The following ARHGEF17 variants were observed in gnomAD, a reference collection of about 807,000 sequenced individuals.
The protein encoded by ARHGEF17 is Rho guanine nucleotide exchange factor 17.
Under a neutral mutation model 174.0 loss-of-function variants are expected in ARHGEF17, and 80 were observed. The observed-to-expected ratio is 0.46, with a 90% CI of 0.38 to 0.55. The LOEUF is 0.55. ARHGEF17 is among the 20% of genes least tolerant of loss of function. ARHGEF17 has a pLI of 0.00. For missense variants in ARHGEF17, 2,886 were observed against 2,839.7 expected, an observed-to-expected ratio of 1.02 and a Z score of -0.37; for synonymous variants, 1,311 against 1,189.1, an observed-to-expected ratio of 1.10 and a Z score of -2.11.
Position 73,308,690 on chromosome 11 carries a change from C to A in ARHGEF17, c.52C>A (p.Leu18Met). ...PQLYRSVSFK[L>M]LERWSGGPGL... The stretch of plus-strand genomic sequence containing the variant: ...GCTTTACCGCAGCGTCTCGTTCAAG[C>A]TGCTGGAGCGCTGGAGCGGCGGCCC... Residue 18 changes from leucine (L) to methionine (M), a missense_variant, in exon 1 of 21, where the codon CTG becomes ATG. By Grantham distance (15) the Leu-to-Met change is conservative. This residue lies in a region of ARHGEF17 where 1,728 missense variants were observed against 1,461.2 expected (regional missense o/e 1.18). Coordinates refer to ENST00000263674, the MANE Select transcript of ARHGEF17 (RefSeq NM_014786.4). 6.6e-7 allele frequency: 1 copy of A among 1,520,546 alleles called. No homozygotes were observed. Among genetic ancestry groups the A allele is most frequent in the Non-Finnish European group, 8.8e-7 (1 of 1,137,400 alleles). 94.2% of individuals were successfully genotyped at this position (1,520,546 alleles called of 1,614,324 possible). A position where few individuals can be genotyped will look rare whatever the true frequency, so the allele number is the denominator to read the frequency against.
At chr11:73,329,721 A>G (rs1670300144) in intron 1 of ARHGEF17, among the ~76,000 whole-genome samples, 1 of 152,122 alleles carries the variant, frequency 6.6e-6, no homozygotes. Flanking sequence ...TTTGTACTGC[A>G]TGGTGTCCCA....
chr11:73,365,798 C>T lies in ARHGEF17; in HGVS notation c.5846C>T (p.Ser1949Leu), dbSNP rs764567023. ...GGTGTCGTCCTCACCATGCCCACTT[C>T]GCCCGGTACTGTCAGCTGCCCACGG... Reference protein sequence around the residue: ...SAGVVLTMPTSPGTVSCPRAP... With the variant: ...SAGVVLTMPTLPGTVSCPRAP... Residue 1949 changes from serine to leucine, a missense_variant, in exon 20 of 21, where the codon TCG (serine) becomes TTG (leucine). Transcript: ENST00000263674. This position sits in a 1 kb window ranked among gnomAD's most constrained non-coding sequence, Gnocchi z 4.9. 57 of 1,613,568 alleles carry T rather than the reference C, an allele frequency of 3.5e-5. No individual in the cohort carries two copies. The highest frequency in any genetic ancestry group is 4.4e-5 in the Non-Finnish European group (52 of 1,180,040).
At chr11:73,341,935 G>GC (rs921495829) in intron 1 of ARHGEF17, among the ~76,000 whole-genome samples, 2 of 152,154 alleles carry the variant, frequency 1.3e-5, no homozygotes, top group Non-Finnish European at 2.9e-5. Context: ...GTGCTTCAGA[G>GC]CCCCCCCATC....
At chr11:73,315,747 G>T (rs1333600183) in intron 1 of ARHGEF17, among the ~76,000 whole-genome samples, 1 of 152,132 alleles carries the variant, frequency 6.6e-6, no homozygotes, top group Non-Finnish European at 1.5e-5. Context: ...CTGGGCTCTT[G>T]GGGGGAACAC....
intron 1 of ARHGEF17, among the ~76,000 whole-genome samples, chr11:73,330,454 T>C (rs988625903): frequency 6.6e-6 from 1 of 152,258 alleles, no homozygotes; most frequent in Non-Finnish European, 1.5e-5. Flanking sequence ...GTGTGTAGTA[T>C]GAGTTATGAC....
intron 1 of ARHGEF17, among the ~76,000 whole-genome samples, chr11:73,337,955 C>A (rs896980856): frequency 3.3e-5 from 5 of 152,200 alleles, no homozygotes; most frequent in Admixed American, 3.3e-4. Flanking sequence ...GCAGGAAGAT[C>A]CTGAGGCTCT....
intron 1 of ARHGEF17, among the ~76,000 whole-genome samples, chr11:73,346,475 G>C (rs975024308): frequency 1.3e-5 from 2 of 152,250 alleles, no homozygotes; most frequent in East Asian, 3.8e-4. Context: ...CACTGAGCCT[G>C]AAGTTGGGGT....
intron 4 of ARHGEF17, 31 bp from the exon 5 acceptor site, chr11:73,355,830 T>C (rs1400913319): frequency 6.2e-7 from 1 of 1,612,376 alleles, no homozygotes; most frequent in Non-Finnish European, 8.5e-7. Flanking sequence ...GGCATGTCAT[T>C]CCTCACATGA....
At position 73,309,199 on chromosome 11, in the gene ARHGEF17, C is replaced by G. The variant is rs754567806; in HGVS notation, c.561C>G (p.Pro187=). 1.3e-6 allele frequency: 2 copies of G among 1,593,908 alleles called. No individual in the cohort carries two copies. Among genetic ancestry groups the G allele is most frequent in the Non-Finnish European group, 8.5e-7 (1 of 1,170,054 alleles). Residue 187 remains proline, a synonymous_variant, in exon 1 of 21, where the codon CCC becomes CCG. Coordinates refer to ENST00000263674, the MANE Select transcript of ARHGEF17 (RefSeq NM_014786.4). ...FPLAGLRSAR[P]LTGPETEGRL... ...TGGCGGGTCTGCGTTCGGCGCGGCC[C>G]CTGACCGGGCCGGAGACCGAAGGGA...
chr11:73,308,460 C>G lies in ARHGEF17; in HGVS notation c.-179C>G. ...CCGCCCGGGATGGAGACGTTGCGGC[C>G]GGTGGCCACAGAAACTTGAGCCGCG... is the stretch of plus-strand genomic sequence containing the variant. On this transcript the variant is annotated 5_prime_UTR_variant, in exon 1 of 21. Transcript: ENST00000263674. The G allele has an allele frequency of 1.9e-6, 1 of 540,390 alleles. No homozygotes were observed. Among genetic ancestry groups the G allele is most frequent in the Non-Finnish European group, 2.9e-6 (1 of 347,142 alleles). The allele number at this position is 540,390 out of a possible 1,614,324, so 33.5% of individuals were successfully genotyped here.
chr11:73,330,294 T>C (rs79778136), intron 1 of ARHGEF17, among the ~76,000 whole-genome samples: 12,242 of 152,308 alleles, frequency 0.08, 624 homozygotes, highest in Non-Finnish European at 0.11. Context: ...CAAGCTTTTA[T>C]TTTATTGCTT....
intron 2 of ARHGEF17, among the ~76,000 whole-genome samples, chr11:73,352,470 A>G (rs1865570305): frequency 6.6e-6 from 1 of 152,214 alleles, no homozygotes; most frequent in Non-Finnish European, 1.5e-5. Flanking sequence ...TTCTTAGAAC[A>G]GTGCCTGGTA....
Position 73,308,768 on chromosome 11 carries a change from T to G in ARHGEF17, c.130T>G (p.Cys44Gly). The part of the protein sequence containing the change: ...DTPGLRRRAS[C>G]RPTTAARGQP... Reference sequence around the variant, plus strand: ...CCCCGGCTTGAGGCGACGCGCCTCGTGCCGGCCGACCACGGCTGCCCGGGG... The same window carrying G: ...CCCCGGCTTGAGGCGACGCGCCTCGGGCCGGCCGACCACGGCTGCCCGGGG... Residue 44 changes from cysteine to glycine, a missense_variant, in exon 1 of 21, where the codon TGC becomes GGC. Physicochemically the swap from Cys to Gly is radical, Grantham distance 159. Coordinates refer to ENST00000263674, the MANE Select transcript of ARHGEF17 (RefSeq NM_014786.4). 6.9e-7 allele frequency: 1 copy of G among 1,450,298 alleles called. No individual in the cohort carries two copies. Among genetic ancestry groups the G allele is most frequent in the Middle Eastern group, 2.2e-4 (1 of 4,476 alleles). 89.8% of individuals were successfully genotyped at this position (1,450,298 alleles called of 1,614,324 possible). A position where few individuals can be genotyped will look rare whatever the true frequency, so the allele number is the denominator to read the frequency against.
chr11:73,347,281 A>G (rs898840053), intron 2 of ARHGEF17: 5 of 451,002 alleles, frequency 1.1e-5, no homozygotes, highest in African/African-American at 8.1e-5. Flanking sequence ...CCTCCATTGT[A>G]TTCACTGACT....
chr11:73,357,049 C>T lies in ARHGEF17; in HGVS notation c.3916C>T (p.Arg1306Trp). The T allele has an allele frequency of 6.2e-7, 1 of 1,614,158 alleles. No homozygotes were observed. The highest frequency in any genetic ancestry group is 8.5e-7 in the Non-Finnish European group (1 of 1,180,042). The change falls in exon 8 of 21, where the codon CGG (arginine) becomes TGG (tryptophan). Residue 1306 changes from arginine (R) to tryptophan (W), a missense_variant. Physicochemically the swap from Arg to Trp is moderately radical, Grantham distance 101. Around this residue, in one of 4 missense-constraint regions of ARHGEF17, gnomAD observed 353 missense variants for 470.3 expected, o/e 0.75. Coordinates refer to ENST00000263674, the MANE Select transcript of ARHGEF17 (RefSeq NM_014786.4). ...GAAGGCGATCGGTGGCAAGAAGGAC[C>T]GGTCTCTCTTCCTGTTCACGGACCT... is the stretch of plus-strand genomic sequence containing the variant. Reference protein sequence around the residue: ...EVKAIGGKKDRSLFLFTDLIV... With the variant: ...EVKAIGGKKDWSLFLFTDLIV...
chr11:73,322,742 G>A (rs1354172485), intron 1 of ARHGEF17, among the ~76,000 whole-genome samples: 1 of 152,084 alleles, frequency 6.6e-6, no homozygotes, highest in Non-Finnish European at 1.5e-5. Flanking sequence ...CCTGAGCAGA[G>A]GGGCTCCCCT....
intron 1 of ARHGEF17, among the ~76,000 whole-genome samples, chr11:73,315,448 A>C (rs1864912634): frequency 6.6e-6 from 1 of 152,202 alleles, no homozygotes; most frequent in Non-Finnish European, 1.5e-5. Flanking sequence ...AAGGTCTGGC[A>C]ACAGCTCTTC....
At chr11:73,318,340 G>C (rs1051377111) in intron 1 of ARHGEF17, among the ~76,000 whole-genome samples, 5 of 152,158 alleles carry the variant, frequency 3.3e-5, no homozygotes, top group African/African-American at 1.2e-4. Flanking sequence ...TGACGGGACA[G>C]TAAACCTTTA....
At chr11:73,324,600 AAGAG>A (rs1006461801) in intron 1 of ARHGEF17, among the ~76,000 whole-genome samples, 3 of 152,172 alleles carry the variant, frequency 2.0e-5, no homozygotes, top group Non-Finnish European at 2.9e-5. Flanking sequence ...AGAGCCCAGA[AAGAG>A]AGAGGTGGTA....
Sources: allele counts gnomAD v4.1 joint callset (sites outside exome capture counted in the v4.1 genomes callset), GRCh38; gene constraint gnomAD v4.1.1; regional missense constraint gnomAD v4.1.1; non-coding constraint Gnocchi (gnomAD v3.1); transcripts MANE v1.5; gene names NCBI Gene and HGNC (gene_info 2026-07-23, HGNC 2026-07-21).